Variants in USH2A observed in about 807,000 individuals in gnomAD.
USH2A encodes Usher syndrome 2A (autosomal recessive, mild).
A neutral mutation model predicts 538.9 loss-of-function variants in USH2A; 443 were observed. The ratio of observed to expected loss-of-function variants is 0.82; its 90% CI spans 0.76 to 0.89. The LOEUF is 0.89. Among genes scored for constraint, USH2A ranks in the 40% least tolerant of loss-of-function variants. The pLI, the probability that USH2A is intolerant of heterozygous loss-of-function variation, is 0.00. For synonymous variants in USH2A, 2,413 were observed against 2,273.5 expected, an observed-to-expected ratio of 1.06 and a Z score of -1.75; for missense variants, 6,633 against 6,324.8, an observed-to-expected ratio of 1.05 and a Z score of -1.65.
chr1:216,200,147 C>T, intron 16 of USH2A, 26 bp from the exon 17 acceptor site: 1 of 1,559,576 alleles, frequency 6.4e-7, no homozygotes, highest in Non-Finnish European at 8.7e-7. Context: ...AAAAAAAAAA[C>T]AAAGTTACAT....
intron 44 of USH2A, among the ~76,000 whole-genome samples, chr1:215,862,212 T>A (rs2102435967): frequency 6.6e-6 from 1 of 152,290 alleles, no homozygotes; most frequent in South Asian, 2.1e-4. Flanking sequence ...AAATAACATA[T>A]ATTCTTTATG....
Position 216,246,627 on chromosome 1 carries a change from C to T in USH2A, c.2767G>A (p.Val923Met). 6.2e-7 allele frequency: 1 copy of T among 1,614,068 alleles called. No individual in the cohort carries two copies. Among genetic ancestry groups the T allele is most frequent in the Non-Finnish European group, 8.5e-7 (1 of 1,179,954 alleles). Reference sequence around the variant, plus strand: ...CACCTTCTTCCTTGACGATTAGGCACACACAGGCACTGGCCACTGATTGGG... The same window carrying T: ...CACCTTCTTCCTTGACGATTAGGCATACACAGGCACTGGCCACTGATTGGG... ...CDPISGQCLC[V>M]PNRQGRRCNQ... is the part of the protein sequence containing the mutation. The change falls in exon 13 of 72, where the codon GTG becomes ATG. Residue 923 changes from valine (V) to methionine (M), a missense_variant. By Grantham distance (21) the Val-to-Met change is conservative. Transcript: ENST00000307340.
intron 55 of USH2A, among the ~76,000 whole-genome samples, chr1:215,778,055 CTT>C (rs72004094): frequency 4.8e-5 from 7 of 144,384 alleles, no homozygotes; most frequent in Non-Finnish European, 6.1e-5. Context: ...ACCCCATTAT[CTT>C]TTTTTTTTTT....
At chr1:216,294,534 T>G (rs969991976) in intron 9 of USH2A, among the ~76,000 whole-genome samples, 4 of 152,118 alleles carry the variant, frequency 2.6e-5, no homozygotes, top group Non-Finnish European at 5.9e-5. Context: ...TTAGTTTTTT[T>G]TTTTCCATTT....
chr1:215,688,125 A>C (rs1658493542), intron 61 of USH2A, among the ~76,000 whole-genome samples: 1 of 152,102 alleles, frequency 6.6e-6, no homozygotes, highest in Admixed American at 6.5e-5. Context: ...AGGTCCTTGA[A>C]GAAGTTACAT....
intron 41 of USH2A, among the ~76,000 whole-genome samples, chr1:215,881,416 G>A (rs942827249): frequency 2.6e-5 from 4 of 152,090 alleles, no homozygotes; most frequent in Admixed American, 1.3e-4. Context: ...CTGGGATTAC[G>A]GGCATGAGCC....
At chr1:215,773,524 C>CTCTCTCTCTCTCTCTCTGTCTT (rs1558091711) in intron 55 of USH2A, among the ~76,000 whole-genome samples, 71 of 148,912 alleles carry the variant, frequency 4.8e-4, no homozygotes, top group African/African-American at 1.6e-3. Context: ...CTCTCTCTCT[C>CTCTCTCTCTCTCTCTCTGTCTT]TCTCTCTCTG....
intron 44 of USH2A, among the ~76,000 whole-genome samples, chr1:215,850,445 A>G (rs1434180620): frequency 1.3e-5 from 2 of 152,128 alleles, no homozygotes; most frequent in East Asian, 3.8e-4. Context: ...CTGGACTGAG[A>G]TGTGAAGGAG....
At chr1:216,419,006 C>T (rs1478360592) in intron 2 of USH2A, among the ~76,000 whole-genome samples, 3 of 152,068 alleles carry the variant, frequency 2.0e-5, no homozygotes, top group Non-Finnish European at 1.5e-5. Context: ...AGTTCTCCTG[C>T]TATTTCTTTT....
chr1:215,878,870 G>A lies in USH2A; in HGVS notation c.8452C>T (p.Pro2818Ser), dbSNP rs1470809474. The change falls in exon 42 of 72, where the codon CCC (proline) becomes TCC (serine). Residue 2818 changes from proline (P) to serine (S), a missense_variant. Pro to Ser is a moderately conservative substitution (Grantham distance 74). Transcript: ENST00000307340. ...GGGCCAACATTCTGAGGTACGGTGG[G>A]GTGAGTGGTAACATAGGTAGGTAAA... ...ESLPTYVTTH[P>S]TVPQNVGPLS... 6.2e-7 allele frequency: 1 copy of A among 1,614,018 alleles called. No individual in the cohort carries two copies. Among genetic ancestry groups the A allele is most frequent in the South Asian group, 1.1e-5 (1 of 91,076 alleles).
At chr1:216,148,914 G>C (rs539477914) in intron 21 of USH2A, among the ~76,000 whole-genome samples, 111 of 152,140 alleles carry the variant, frequency 7.3e-4, no homozygotes, top group African/African-American at 2.6e-3. Context: ...CTGCTGCAAA[G>C]CTTCACAGAC....
intron 61 of USH2A, among the ~76,000 whole-genome samples, chr1:215,709,704 G>T (rs1040523800): frequency 6.7e-6 from 1 of 150,338 alleles, no homozygotes; most frequent in Non-Finnish European, 1.5e-5. Context: ...AGTGGGAAGT[G>T]CTGACTATTA....
chr1:215,842,993 A>T (rs1461031343), intron 46 of USH2A, among the ~76,000 whole-genome samples: 1 of 152,172 alleles, frequency 6.6e-6, no homozygotes, highest in African/African-American at 2.4e-5. Flanking sequence ...AAATGAAAAA[A>T]AAAGAAAAAT....
At chr1:216,383,088 A>C (rs2038947529) in intron 3 of USH2A, among the ~76,000 whole-genome samples, 1 of 152,200 alleles carries the variant, frequency 6.6e-6, no homozygotes, top group Admixed American at 6.5e-5. Context: ...AGAAACCTGT[A>C]AGAATCTCAC....
chr1:215,681,598 G>A (rs192119648), intron 61 of USH2A, among the ~76,000 whole-genome samples: 54 of 152,184 alleles, frequency 3.5e-4, no homozygotes, highest in African/African-American at 1.3e-3. Context: ...ATTATGTGTG[G>A]GGGCATCCAA....
At chr1:216,246,457 A>G in intron 13 of USH2A, 128 bp downstream of exon 13, 1 of 1,151,354 alleles carries the variant, frequency 8.7e-7, no homozygotes, top group Non-Finnish European at 1.3e-6. Context: ...TTGGATAATG[A>G]TATAAATACA....
At chr1:216,173,256 C>A (rs182497156) in intron 21 of USH2A, among the ~76,000 whole-genome samples, 2 of 152,184 alleles carry the variant, frequency 1.3e-5, no homozygotes, top group Admixed American at 1.3e-4. Context: ...ATCATTCAGC[C>A]AAACCTGGCA....
chr1:216,082,069 A>G, intron 26 of USH2A, among the ~76,000 whole-genome samples: 1 of 152,068 alleles, frequency 6.6e-6, no homozygotes, highest in Middle Eastern at 3.2e-3. Context: ...CAAATGGTAA[A>G]CATCTTTGTA....
At chr1:215,983,453 G>A (rs771252748) in intron 35 of USH2A, among the ~76,000 whole-genome samples, 17 of 152,108 alleles carry the variant, frequency 1.1e-4, no homozygotes, top group East Asian at 5.8e-4. Context: ...TAAGCAAGCC[G>A]CCACTAGAAT....
Sources: gnomAD v4.1 joint callset for allele counts (sites outside exome capture counted in the v4.1 genomes callset) on GRCh38, gnomAD v4.1.1 for gene constraint, MANE v1.5 for transcripts, NCBI Gene and HGNC (gene_info 2026-07-23, HGNC 2026-07-21) for gene names.